RNF138: variants seen among roughly 807,000 people sequenced by gnomAD.
RNF138 encodes the protein ring finger protein 138.
RNF138 carries 12 observed loss-of-function variants against 31.0 expected under a neutral mutation model. The observed-to-expected ratio is 0.39, with a 90% confidence interval of 0.25 to 0.63. The LOEUF is 0.63. RNF138 is among the 20% of genes least tolerant of loss of function. The pLI, the probability that RNF138 is intolerant of heterozygous loss-of-function variation, is 0.52. For missense variants in RNF138, 192 were observed against 300.1 expected, an observed-to-expected ratio of 0.64 and a Z score of 2.66; for synonymous variants, 105 against 99.5, an observed-to-expected ratio of 1.06 and a Z score of -0.33.
rs143534442 is a variant in RNF138 at position 32,111,874 on chromosome 18, T to C, written c.231T>C (p.Asn77=). 3.2e-5 allele frequency: 52 copies of C among 1,613,084 alleles called. No homozygotes were observed. The highest frequency in any genetic ancestry group is 4.3e-5 in the Non-Finnish European group (51 of 1,179,672). The change falls in exon 3 of 8, where the codon AAT becomes AAC. Residue 77 remains asparagine, a synonymous_variant. Coordinates refer to ENST00000261593, the MANE Select transcript of RNF138 (RefSeq NM_016271.5). ...CTGAACGGGCCTTAGACCTTGAAAA[T>C]ATAATGAGGAAGTTTTCTGGTAGCT... is the stretch of plus-strand genomic sequence containing the variant. ...ACPERALDLE[N]IMRKFSGSCR...
intron 1 of RNF138, chr18:32,092,486 G>T (rs2039709942): frequency 2.5e-6 from 1 of 399,100 alleles, no homozygotes; most frequent in African/African-American, 2.2e-5. Flanking sequence ...GGCGAGCGGG[G>T]CGGGCCCACG....
intron 2 of RNF138, among the ~76,000 whole-genome samples, chr18:32,108,129 A>G (rs963659499): frequency 2.6e-5 from 4 of 152,202 alleles, no homozygotes; most frequent in African/African-American, 9.7e-5. Flanking sequence ...TGCTGGGATT[A>G]CAGGCGTAAG....
rs2040453570 is a variant in RNF138 at position 32,130,354 on chromosome 18, A to AAT, written c.*1168_*1169dup. 6.6e-6 allele frequency: 1 copy of AAT among 152,386 alleles called. No homozygotes were observed. The highest frequency in any genetic ancestry group is 2.4e-5 in the African/African-American group (1 of 41,418). 9.4% of individuals were successfully genotyped at this position (152,386 alleles called of 1,614,324 possible). ...GTGCTCATTTGTTATTCTCAAATAT[A>AAT]ATGTGTGACCGTGATATAGTGAGAA... On this transcript the variant is annotated 3_prime_UTR_variant, in exon 8 of 8. Coordinates refer to ENST00000261593, the MANE Select transcript of RNF138 (RefSeq NM_016271.5).
intron 2 of RNF138, among the ~76,000 whole-genome samples, chr18:32,108,355 A>C (rs1276554862): frequency 2.0e-5 from 3 of 152,094 alleles, no homozygotes; most frequent in African/African-American, 7.2e-5. Context: ...CCTTCAGGAT[A>C]CCATTATCCT....
At chr18:32,113,559 A>C (rs16962700) in intron 3 of RNF138, among the ~76,000 whole-genome samples, 186 bp from the exon 4 acceptor site, 13,133 of 152,202 alleles carry the variant, frequency 0.086, 633 homozygotes, top group Non-Finnish European at 0.1. Context: ...CCATCTCTAC[A>C]TTTAATGAAC....
chr18:32,123,090 C>G (rs1470581143), intron 4 of RNF138, among the ~76,000 whole-genome samples: 1 of 152,112 alleles, frequency 6.6e-6, no homozygotes, highest in Non-Finnish European at 1.5e-5. Context: ...AATTACTGCA[C>G]TTTGGAGGGC....
intron 2 of RNF138, among the ~76,000 whole-genome samples, chr18:32,099,618 T>C (rs1238304722): frequency 6.6e-6 from 1 of 152,186 alleles, no homozygotes; most frequent in Admixed American, 6.5e-5. Context: ...TTGGTCAGGC[T>C]GGTCTCCAAC....
intron 1 of RNF138, 88 bp from the exon 2 acceptor site, chr18:32,092,591 GCGGCAGTAGCGTCTCTGCGTT>G: frequency 1.7e-6 from 1 of 579,622 alleles, no homozygotes; most frequent in Non-Finnish European, 3.1e-6. Context: ...CCCGGCGCGT[GCGGCAGTAGCGTCTCTGCGTT>G]CGGCCCCGCC....
chr18:32,112,058 CA>C (rs1478780927), intron 3 of RNF138, 139 bp downstream of exon 3: 13 of 603,704 alleles, frequency 2.2e-5, no homozygotes, highest in East Asian at 3.1e-5. Flanking sequence ...TAGAAAAGGC[CA>C]AAAAAAGCTG....
chr18:32,096,762 C>T (rs542336455), intron 2 of RNF138, among the ~76,000 whole-genome samples: 151 of 152,148 alleles, frequency 9.9e-4, no homozygotes, highest in Non-Finnish European at 1.5e-3. Flanking sequence ...AATAGGGTCT[C>T]GCTCTGTTGC....
rs2040455900 is a variant in RNF138 at position 32,130,499 on chromosome 18, G to C, written c.*1312G>C. The C allele has an allele frequency of 6.6e-6, 1 of 152,378 alleles. No homozygotes were observed. The highest frequency in any genetic ancestry group is 1.5e-5 in the Non-Finnish European group (1 of 67,866). 9.4% of individuals were successfully genotyped at this position (152,378 alleles called of 1,614,324 possible). On this transcript the variant is annotated 3_prime_UTR_variant, in exon 8 of 8. Transcript: ENST00000261593. ...CCCAAATCACAGAATAAAGGACTAA[G>C]AGTGGATTTGCTGACATTCCATACT...
intron 2 of RNF138, among the ~76,000 whole-genome samples, chr18:32,103,572 A>T (rs988453361): frequency 6.6e-6 from 1 of 152,222 alleles, no homozygotes; most frequent in Non-Finnish European, 1.5e-5. Flanking sequence ...TCCTTCAAAG[A>T]ACACAATCAA....
chr18:32,116,764 C>T (rs1049096415), intron 4 of RNF138, among the ~76,000 whole-genome samples: 1 of 152,004 alleles, frequency 6.6e-6, no homozygotes, highest in African/African-American at 2.4e-5. Flanking sequence ...GTGTTAAACA[C>T]ATTGAGATGG....
At chr18:32,123,372 A>G (rs958789773) in intron 4 of RNF138, 146 bp from the exon 5 acceptor site, 14 of 468,652 alleles carry the variant, frequency 3.0e-5, no homozygotes, top group African/African-American at 2.0e-5. Context: ...TGTTTTTTCA[A>G]GGACCCAATA....
rs1409081784 is a variant in RNF138, at chr18:32,092,021, C to G, written c.-292C>G. 3 of 152,572 alleles carry G rather than the reference C, an allele frequency of 2.0e-5. No homozygotes were observed. Among genetic ancestry groups the G allele is most frequent in the African/African-American group, 4.8e-5 (2 of 41,470 alleles). The allele number at this position is 152,572 out of a possible 1,614,324, so 9.5% of individuals were successfully genotyped here. A position where few individuals can be genotyped will look rare whatever the true frequency, so the allele number is the denominator to read the frequency against. On this transcript the variant is annotated 5_prime_UTR_variant, in exon 1 of 8. Coordinates refer to ENST00000261593, the MANE Select transcript of RNF138 (RefSeq NM_016271.5). ...CGCAATGCCAAGACAGAGCTGCTGG[C>G]GGCGGCGGGCGAATCTCCCTGCACC... is the stretch of plus-strand genomic sequence containing the variant.
intron 4 of RNF138, among the ~76,000 whole-genome samples, chr18:32,121,451 C>T (rs770015221): frequency 5.3e-5 from 8 of 152,244 alleles, no homozygotes; most frequent in Middle Eastern, 3.4e-3. Flanking sequence ...GCCGCGGTCG[C>T]GCCACTGCAT....
At chr18:32,120,167 A>C (rs2040280469) in intron 4 of RNF138, among the ~76,000 whole-genome samples, 1 of 152,162 alleles carries the variant, frequency 6.6e-6, no homozygotes, top group South Asian at 2.1e-4. Flanking sequence ...AATAAGTATA[A>C]TATTTACTAT....
intron 4 of RNF138, among the ~76,000 whole-genome samples, chr18:32,121,146 A>C (rs1457030921): frequency 6.6e-6 from 1 of 151,312 alleles, no homozygotes; most frequent in African/African-American, 2.4e-5. Flanking sequence ...AAAAAAACAA[A>C]ACAAAAAAAA....
At chr18:32,105,753 T>A (rs1018446585) in intron 2 of RNF138, among the ~76,000 whole-genome samples, 7 of 152,202 alleles carry the variant, frequency 4.6e-5, no homozygotes, top group Non-Finnish European at 1.5e-5. Context: ...AAAATTTCCA[T>A]ATCGGAAGAC....
Sources: allele counts gnomAD v4.1 joint callset (sites outside exome capture counted in the v4.1 genomes callset), GRCh38; gene constraint gnomAD v4.1.1; transcripts MANE v1.5; gene names NCBI Gene and HGNC (gene_info 2026-07-23, HGNC 2026-07-21).